Variants in IFT140 observed in about 807,000 individuals in gnomAD.
The protein encoded by IFT140 is intraflagellar transport protein 140 homolog.
Under a neutral mutation model 164.6 loss-of-function variants are expected in IFT140, and 133 were observed. The observed-to-expected ratio is 0.81, with a 90% CI of 0.70 to 0.93. The LOEUF is 0.93. Ranked by LOEUF, IFT140 falls within the 40% of genes least tolerant of loss-of-function variation. The probability of loss-of-function intolerance (pLI) is 0.00; values close to 1 mark genes in which losing one functional copy is unlikely to be tolerated. For missense variants in IFT140, 2,045 were observed against 1,972.3 expected (o/e 1.04, Z -0.70); for synonymous variants, 860 against 817.3 (o/e 1.05, Z -0.89).
At chr16:1,548,771 C>G (rs1332753150) in intron 19 of IFT140, among the ~76,000 whole-genome samples, 1 of 152,246 alleles carries the variant, frequency 6.6e-6, no homozygotes, top group African/African-American at 2.4e-5. Flanking sequence ...ACGGCATCCA[C>G]AGCGCAGTGC....
At chr16:1,577,184 T>G (rs1194064676) in intron 13 of IFT140, 1 of 152,036 alleles carries the variant, frequency 6.6e-6, no homozygotes, top group Non-Finnish European at 1.5e-5. Context: ...AACGTGGAAT[T>G]GCTTGATATG....
chr16:1,514,458 T>C, intron 30 of IFT140: 1 of 152,138 alleles, frequency 6.6e-6, no homozygotes, highest in Middle Eastern at 3.2e-3. Context: ...GCAGCAGGCA[T>C]AGAGGGGATC....
At chr16:1,595,719 A>G (rs956325837) in intron 4 of IFT140, among the ~76,000 whole-genome samples, 3 of 152,194 alleles carry the variant, frequency 2.0e-5, no homozygotes, top group African/African-American at 7.2e-5. Flanking sequence ...ATATTATCAT[A>G]TGATTCTTGA....
intron 4 of IFT140, among the ~76,000 whole-genome samples, chr16:1,601,243 G>A (rs2035782443): frequency 6.8e-6 from 1 of 146,322 alleles, no homozygotes. Context: ...TAGCCTGGGC[G>A]ACAGAGCAAG....
At position 1,551,814 on chromosome 16, in the gene IFT140, C is replaced by T. The variant is rs2032664274; in HGVS notation, c.2399+6121G>A. Among the ~76,000 whole-genome samples the T allele has an allele frequency of 6.6e-6, 1 of 152,188 alleles. No homozygotes were observed. Among genetic ancestry groups the T allele is most frequent in the South Asian group, 2.1e-4 (1 of 4,834 alleles). ...AGATCAACTCTGCGGGACCTCCCACCCGGGCTGGTTGCCCTGTGTTGCCTT... is the reference window on the plus strand; with the variant it reads ...AGATCAACTCTGCGGGACCTCCCACTCGGGCTGGTTGCCCTGTGTTGCCTT... On this transcript the variant is annotated intron_variant, in intron 19 of 30. Transcript: ENST00000426508. The surrounding 1 kb of genome is among the most constrained non-coding windows in gnomAD (Gnocchi z 4.0).
chr16:1,547,201 C>T (rs1392668350), intron 19 of IFT140, among the ~76,000 whole-genome samples: 1 of 152,164 alleles, frequency 6.6e-6, no homozygotes, highest in African/African-American at 2.4e-5. Flanking sequence ...GCATATAACC[C>T]AAAATTCCCT....
chr16:1,549,002 A>G (rs1347992403), intron 19 of IFT140, among the ~76,000 whole-genome samples: 1 of 152,254 alleles, frequency 6.6e-6, no homozygotes, highest in African/African-American at 2.4e-5. Context: ...CGTCCTCCGC[A>G]GGAGCCACCT....
At chr16:1,561,960 C>T in intron 18 of IFT140, 25 bp downstream of exon 18, 5 of 1,568,438 alleles carry the variant, frequency 3.2e-6, no homozygotes, top group Non-Finnish European at 3.5e-6. Context: ...CAGAAGACAC[C>T]TGTGCGGATG....
chr16:1,583,344 C>T lies in IFT140; in HGVS notation c.1402G>A (p.Glu468Lys), dbSNP rs756882000. ...CTCCGTATCGCGGCTCCAGAAAGCT[C>T]GAAGATCGCCACCTGCCTTCCGTTC... The part of the protein sequence containing the change: ...VWNGRQVAIF[E>K]LSGAAIRSAG... The change falls in exon 12 of 31, where the codon GAG becomes AAG. Residue 468 changes from glutamate to lysine, a missense_variant. Glu to Lys is a moderately conservative substitution (Grantham distance 56, BLOSUM62 1). Coordinates refer to ENST00000426508, the MANE Select transcript of IFT140 (RefSeq NM_014714.4). 1.2e-5 allele frequency: 19 copies of T among 1,614,016 alleles called. No individual in the cohort carries two copies. Among genetic ancestry groups the T allele is most frequent in the East Asian group, 2.2e-5 (1 of 44,898 alleles).
intron 30 of IFT140, among the ~76,000 whole-genome samples, chr16:1,516,125 G>A (rs1274969588): frequency 1.9e-5 from 1 of 53,418 alleles, no homozygotes; most frequent in Non-Finnish European, 4.5e-5. Flanking sequence ...GCTACAAAGA[G>A]CAAAACTCTG....
At chr16:1,588,422 G>A (rs1172002937) in intron 7 of IFT140, among the ~76,000 whole-genome samples, 1 of 152,034 alleles carries the variant, frequency 6.6e-6, no homozygotes, top group Admixed American at 6.5e-5. Context: ...CTACTTGGGA[G>A]GCTGAGACAG....
At chr16:1,563,296 C>CT (rs78104539) in intron 17 of IFT140, among the ~76,000 whole-genome samples, 30 of 147,494 alleles carry the variant, frequency 2.0e-4, no homozygotes, top group East Asian at 1.6e-3. Flanking sequence ...CTGCAGATAA[C>CT]TTTTTTTTTT....
At chr16:1,560,123 C>A (rs921200931) in intron 18 of IFT140, among the ~76,000 whole-genome samples, 2 of 152,218 alleles carry the variant, frequency 1.3e-5, no homozygotes, top group Non-Finnish European at 2.9e-5. Context: ...GTAAAGCCAG[C>A]ATGAAATTCG....
At chr16:1,512,204 G>C (rs2040187885) in intron 30 of IFT140, among the ~76,000 whole-genome samples, 1 of 123,996 alleles carries the variant, frequency 8.1e-6, no homozygotes, top group Non-Finnish European at 1.7e-5. Flanking sequence ...ATAGGTGGGT[G>C]GGGGGCAGGA....
In IFT140 at chr16:1,600,463, TAA is replaced by T. The variant is rs34665250; in HGVS notation, c.369+1905_369+1906del. 8.8e-3 allele frequency among the ~76,000 whole-genome samples: 1,188 copies of T among 135,374 alleles called. 14 individuals carry two copies. Among genetic ancestry groups the T allele is most frequent in the African/African-American group, 0.022 (814 of 37,352 alleles). The allele number at this position is 135,374 out of a possible 152,430, so 88.8% of individuals were successfully genotyped here. ...AGAATTATCAATAAAAAAATAAATT[TAA>T]AAAAAAAAAAAATGTACACAGGTGC... On this transcript the variant is annotated intron_variant, in intron 4 of 30. Coordinates refer to ENST00000426508, the MANE Select transcript of IFT140 (RefSeq NM_014714.4).
intron 19 of IFT140, among the ~76,000 whole-genome samples, chr16:1,556,439 G>A (rs560730403): frequency 4.6e-5 from 7 of 152,250 alleles, no homozygotes; most frequent in Non-Finnish European, 5.9e-5. Flanking sequence ...TGCTGGCATC[G>A]GCCAAAAGGA....
At chr16:1,563,790 T>C (rs2033558142) in intron 17 of IFT140, among the ~76,000 whole-genome samples, 1 of 152,184 alleles carries the variant, frequency 6.6e-6, no homozygotes, top group African/African-American at 2.4e-5. Context: ...TTATTAATTC[T>C]TATTATTATT....
intron 15 of IFT140, among the ~76,000 whole-genome samples, chr16:1,567,913 G>A (rs1353412205): frequency 6.6e-6 from 1 of 152,236 alleles, no homozygotes; most frequent in Non-Finnish European, 1.5e-5. Context: ...GGATGAAGAG[G>A]AAGCGAGCAA....
At chr16:1,603,696 T>A (rs971887042) in intron 3 of IFT140, among the ~76,000 whole-genome samples, 4 of 152,202 alleles carry the variant, frequency 2.6e-5, no homozygotes, top group African/African-American at 7.2e-5. Flanking sequence ...TTGGCCAGGC[T>A]GGTCTCAAAC....
Sources: allele counts gnomAD v4.1 joint callset (sites outside exome capture counted in the v4.1 genomes callset), GRCh38; gene constraint gnomAD v4.1.1; non-coding constraint Gnocchi (gnomAD v3.1); transcripts MANE v1.5; gene names NCBI Gene and HGNC (gene_info 2026-07-23, HGNC 2026-07-21).